The following EDA2R variants were observed in gnomAD, a reference collection of about 807,000 sequenced individuals.
EDA2R encodes tumor necrosis factor receptor superfamily member 27.
A neutral mutation model predicts 20.1 loss-of-function variants in EDA2R; 26 were observed. The observed-to-expected ratio is 1.30, with a 90% CI of 0.95 to 1.80. The LOEUF is 1.80. Ranked by LOEUF, EDA2R falls within the 40% of genes most tolerant of loss-of-function variation. EDA2R has a pLI of 0.00. For missense variants in EDA2R, 277 were observed against 228.7 expected, an observed-to-expected ratio of 1.21 and a Z score of -1.36; for synonymous variants, 114 against 88.7, an observed-to-expected ratio of 1.29 and a Z score of -1.60.
At chrX:66,603,501 T>A (rs1479176845) in intron 4 of EDA2R, among the ~76,000 whole-genome samples, 1 of 111,868 alleles carries the variant, frequency 8.9e-6, no homozygotes, top group Non-Finnish European at 1.9e-5. Flanking sequence ...AGAACCAGTA[T>A]GTCTCCTCCA....
intron 1 of EDA2R, among the ~76,000 whole-genome samples, chrX:66,624,705 C>T (rs754537035): frequency 9.0e-6 from 1 of 110,929 alleles, no homozygotes; most frequent in South Asian, 3.9e-4. Context: ...AGGTTTGCAT[C>T]GTGCATTTTA....
intron 2 of EDA2R, among the ~76,000 whole-genome samples, chrX:66,614,916 C>T (rs1297717479): frequency 9.0e-6 from 1 of 111,281 alleles, no homozygotes; most frequent in East Asian, 2.8e-4. Flanking sequence ...TCACCATACA[C>T]CCATTGCACT....
intron 1 of EDA2R, among the ~76,000 whole-genome samples, chrX:66,625,393 T>C (rs1932972491): frequency 9.0e-6 from 1 of 110,606 alleles, no homozygotes; most frequent in Non-Finnish European, 1.9e-5. Flanking sequence ...GACTGCCAGC[T>C]TTGACCCACT....
At chrX:66,634,553 T>C (rs1417821685) in intron 1 of EDA2R, among the ~76,000 whole-genome samples, 5 of 111,348 alleles carry the variant, frequency 4.5e-5, no homozygotes, top group African/African-American at 6.5e-5. Context: ...TATCAGATAA[T>C]TGAAAACATA....
rs761780851 is a variant in EDA2R, at chrX:66,625,366, A to G, written c.-10-9336T>C. ...AGACTGGCCCTTTGGATTGCATGGG[A>G]GCTGGGTGAGGCCTGTGACTGCCAG... On this transcript the variant is annotated intron_variant, in intron 1 of 6. Transcript: ENST00000374719. Among the ~76,000 whole-genome samples the G allele has an allele frequency of 4.5e-5, 5 of 110,595 alleles. 1 individual carries two copies. The highest frequency in any genetic ancestry group is 1.6e-4 in the African/African-American group (5 of 30,363).
intron 1 of EDA2R, among the ~76,000 whole-genome samples, chrX:66,632,196 G>A (rs1224087253): frequency 8.9e-6 from 1 of 112,071 alleles, no homozygotes; most frequent in Non-Finnish European, 1.9e-5. Flanking sequence ...GGTCGAGGCA[G>A]GTGGATCACT....
chrX:66,616,929 A>G (rs1435795760), intron 1 of EDA2R, among the ~76,000 whole-genome samples: 1 of 112,359 alleles, frequency 8.9e-6, no homozygotes. Context: ...AGGTCCATCA[A>G]ACCATTCTAA....
In EDA2R at chrX:66,605,215, A is replaced by G; in HGVS notation, c.99T>C (p.Tyr33=). The G allele has an allele frequency of 8.3e-7, 1 of 1,206,138 alleles. No individual in the cohort carries two copies. The highest frequency in any genetic ancestry group is 1.1e-6 in the Non-Finnish European group (1 of 892,793). Residue 33 remains tyrosine, a synonymous_variant, in exon 3 of 7, where the codon TAT becomes TAC. Coordinates refer to ENST00000374719, the MANE Select transcript of EDA2R (RefSeq NM_021783.5). ...PGQELSKDCG[Y]GEGGDAYCTA... ...TGCAGTAGGCATCTCCACCCTCTCC[A>G]TAACCACAATCCTGTAGACAGATGG...
At chrX:66,637,324 T>C (rs1177922088) in intron 1 of EDA2R, among the ~76,000 whole-genome samples, 1 of 112,027 alleles carries the variant, frequency 8.9e-6, no homozygotes, top group Non-Finnish European at 1.9e-5. Context: ...TCCAGGGCCT[T>C]GTTCCCTCTC....
chrX:66,597,752 A>G lies in EDA2R; in HGVS notation c.*352T>C, dbSNP rs1927716741. The G allele has an allele frequency of 6.8e-6, 1 of 147,620 alleles. No individual in the cohort carries two copies. The highest frequency in any genetic ancestry group is 1.3e-5 in the Non-Finnish European group (1 of 75,027). The allele number at this position is 147,620 out of a possible 1,213,427, so 12.2% of individuals were successfully genotyped here. A position where few individuals can be genotyped will look rare whatever the true frequency, so the allele number is the denominator to read the frequency against. ...AAGTGCTAGGTAGATGTGCCAACACAATTTTGAGAGGCTTACCTGACCAAA... is the reference window on the plus strand; with the variant it reads ...AAGTGCTAGGTAGATGTGCCAACACGATTTTGAGAGGCTTACCTGACCAAA... On this transcript the variant is annotated 3_prime_UTR_variant, in exon 7 of 7. Coordinates refer to ENST00000374719, the MANE Select transcript of EDA2R (RefSeq NM_021783.5).
intron 1 of EDA2R, among the ~76,000 whole-genome samples, chrX:66,627,193 T>A (rs1440610422): frequency 9.0e-6 from 1 of 111,351 alleles, no homozygotes; most frequent in African/African-American, 3.3e-5. Flanking sequence ...ACAGGACCTA[T>A]CAAACAAAAA....
intron 1 of EDA2R, among the ~76,000 whole-genome samples, chrX:66,630,850 CAA>C (rs1491231541): frequency 9.3e-5 from 10 of 107,225 alleles, no homozygotes; most frequent in Non-Finnish European, 1.4e-4. Flanking sequence ...CACACACACA[CAA>C]ACACACGTAT....
intron 1 of EDA2R, among the ~76,000 whole-genome samples, chrX:66,620,965 CAAA>C (rs376190384): frequency 7.2e-5 from 4 of 55,306 alleles, no homozygotes; most frequent in Admixed American, 2.8e-4. Context: ...TATCCACTAC[CAAA>C]AAAAAAAAAA....
At chrX:66,610,156 C>G (rs763481687) in intron 2 of EDA2R, among the ~76,000 whole-genome samples, 4 of 110,734 alleles carry the variant, frequency 3.6e-5, no homozygotes, top group African/African-American at 1.3e-4. Context: ...TCCGATAACA[C>G]AGAACTAGTA....
In EDA2R at chrX:66,598,106, C is replaced by A. The variant is rs747656700; in HGVS notation, c.*11-13G>T. On this transcript the variant is annotated splice_polypyrimidine_tract_variant and intron_variant, in intron 6 of 6. Coordinates refer to ENST00000374719, the MANE Select transcript of EDA2R (RefSeq NM_021783.5). ...GGGCCCAAGAGACCTAAGGAGAGAG[C>A]AAACCAAGTTAGAAACATGTGGGGA... is the stretch of plus-strand genomic sequence containing the variant. 3 of 859,485 alleles carry A rather than the reference C, an allele frequency of 3.5e-6. No homozygotes were observed. Among genetic ancestry groups the A allele is most frequent in the African/African-American group, 2.1e-5 (1 of 47,917 alleles). The allele number at this position is 859,485 out of a possible 1,213,427, so 70.8% of individuals were successfully genotyped here.
chrX:66,599,838 A>G lies in EDA2R; in HGVS notation c.540T>C (p.Ala180=). 1 of 1,206,058 alleles carries G rather than the reference A, an allele frequency of 8.3e-7. No homozygotes were observed. Among genetic ancestry groups the G allele is most frequent in the Non-Finnish European group, 1.1e-6 (1 of 892,847 alleles). ...CQRGGLLQFE[A]DKTAKEESLF... ...GAGATTCCTCCTTTGCTGTTTTATC[A>G]GCCTCAAACTGCAGCAAACCTCCTG... The change falls in exon 6 of 7, where the codon GCT becomes GCC. Residue 180 remains alanine (A), a synonymous_variant. Coordinates refer to ENST00000374719, the MANE Select transcript of EDA2R (RefSeq NM_021783.5).
intron 1 of EDA2R, among the ~76,000 whole-genome samples, chrX:66,626,122 A>G (rs771806436): frequency 4.5e-5 from 5 of 111,750 alleles, no homozygotes; most frequent in Non-Finnish European, 9.4e-5. Context: ...ACACCCCCCA[A>G]AAATCACACT....
intron 1 of EDA2R, among the ~76,000 whole-genome samples, chrX:66,620,388 C>A (rs910379206): frequency 2.7e-5 from 3 of 111,280 alleles, no homozygotes; most frequent in Non-Finnish European, 5.7e-5. Context: ...AACTGGATAT[C>A]CACATGCAAA....
At chrX:66,620,041 T>C (rs1932341652) in intron 1 of EDA2R, among the ~76,000 whole-genome samples, 1 of 111,629 alleles carries the variant, frequency 9.0e-6, no homozygotes, top group Non-Finnish European at 1.9e-5. Context: ...AGCACTGGCT[T>C]CTATCACTAC....
Sources: allele counts gnomAD v4.1 joint callset (sites outside exome capture counted in the v4.1 genomes callset), GRCh38; gene constraint gnomAD v4.1.1; transcripts MANE v1.5; gene names NCBI Gene and HGNC (gene_info 2026-07-23, HGNC 2026-07-21).